The following CEP76 variants were observed in gnomAD, a reference collection of about 807,000 sequenced individuals.
CEP76 encodes the protein centrosomal protein of 76 kDa.
CEP76 carries 55 observed loss-of-function variants against 83.3 expected under a neutral mutation model. The ratio of observed to expected loss-of-function variants is 0.66; its 90% confidence interval spans 0.53 to 0.83. CEP76 has a LOEUF of 0.83. CEP76 is among the 40% of genes least tolerant of loss of function. The pLI is 0.00. For synonymous variants in CEP76, 270 were observed against 274.5 expected, an observed-to-expected ratio of 0.98 and a Z score of 0.16; for missense variants, 694 against 799.5, an observed-to-expected ratio of 0.87 and a Z score of 1.59.
chr18:12,699,827 TAC>T lies in CEP76; in HGVS notation c.295+1_295+2del. ...AACTAAATTAATGTTAAAATATACA[TAC>T]TTTTTTTTAATGTCGATTGTCTATC... On this transcript the variant is annotated splice_donor_variant, in intron 3 of 11. Coordinates refer to ENST00000262127, the MANE Select transcript of CEP76 (RefSeq NM_024899.4). LOFTEE classifies it high-confidence loss of function. The T allele has an allele frequency of 6.6e-7, 1 of 1,507,498 alleles. No individual in the cohort carries two copies. Among genetic ancestry groups the T allele is most frequent in the Non-Finnish European group, 9.1e-7 (1 of 1,104,596 alleles). 93.4% of individuals were successfully genotyped at this position (1,507,498 alleles called of 1,614,324 possible). A position where few individuals can be genotyped will look rare whatever the true frequency, so the allele number is the denominator to read the frequency against.
rs763210157 is a variant in CEP76, at chr18:12,686,254, T to G, written c.1122+8A>C. The G allele has an allele frequency of 5.0e-6, 8 of 1,604,482 alleles. No homozygotes were observed. The highest frequency in any genetic ancestry group is 6.8e-6 in the Non-Finnish European group (8 of 1,171,962). ...CTGCTACTTAATTCTATTATGTGTG[T>G]ATAATACCTTGTTTCTACAGAGAAA... On this transcript the variant is annotated splice_region_variant and intron_variant, in intron 8 of 11. Coordinates refer to ENST00000262127, the MANE Select transcript of CEP76 (RefSeq NM_024899.4).
chr18:12,678,349 G>A lies in CEP76; in HGVS notation c.1383C>T (p.Asn461=). The A allele has an allele frequency of 1.2e-6, 2 of 1,614,120 alleles. No individual in the cohort carries two copies. The highest frequency in any genetic ancestry group is 2.2e-5 in the South Asian group (2 of 91,080). The change falls in exon 10 of 12, where the codon AAC becomes AAT. Residue 461 remains asparagine, a synonymous_variant. Transcript: ENST00000262127. ...YPYRTIGCVF[N]HQMFLGNCQP... Reference sequence around the variant, plus strand: ...GACAATTTCCCAGGAACATCTGATGGTTGAAAACACAACCAATTGTTCGAT... The same window carrying A: ...GACAATTTCCCAGGAACATCTGATGATTGAAAACACAACCAATTGTTCGAT...
chr18:12,692,462 G>C (rs1426305765), intron 6 of CEP76: 1 of 152,208 alleles, frequency 6.6e-6, no homozygotes, highest in Non-Finnish European at 1.5e-5. Flanking sequence ...AGCCACACAG[G>C]GCTTTCGGTC....
At chr18:12,662,179 T>C (rs762469129) in intron 12 of CEP76, 3 of 439,810 alleles carry the variant, frequency 6.8e-6, no homozygotes, top group African/African-American at 6.3e-5. Flanking sequence ...CCTAGAAAAG[T>C]GCACCAGAAA....
chr18:12,700,062 TA>T, intron 2 of CEP76, 157 bp from the exon 3 acceptor site: 1 of 440,926 alleles, frequency 2.3e-6, no homozygotes, highest in East Asian at 3.6e-5. Context: ...ATAATGAAAA[TA>T]AAAGCCTGCA....
At chr18:12,686,674 G>A (rs12455268) in intron 7 of CEP76, 101,932 of 373,276 alleles carry the variant, frequency 0.27, 15,023 homozygotes, top group Non-Finnish European at 0.32. Context: ...CAGCTATTAT[G>A]CAACAGAGCC....
chr18:12,689,400 C>CTTTG (rs1484889969), intron 7 of CEP76, among the ~76,000 whole-genome samples: 1 of 152,172 alleles, frequency 6.6e-6, no homozygotes, highest in Non-Finnish European at 1.5e-5. Flanking sequence ...TTGACACAGA[C>CTTTG]TTTGCCATGA....
intron 5 of CEP76, among the ~76,000 whole-genome samples, chr18:12,696,152 G>T (rs1163315186): frequency 6.6e-6 from 1 of 152,040 alleles, no homozygotes; most frequent in African/African-American, 2.4e-5. Flanking sequence ...CTTACATAAA[G>T]GACACTTTTT....
chr18:12,700,922 A>G, intron 2 of CEP76, 36 bp downstream of exon 2: 1 of 789,882 alleles, frequency 1.3e-6, no homozygotes, highest in Non-Finnish European at 1.9e-6. Context: ...GTATATACAT[A>G]TATACTCTCA....
At chr18:12,693,545 G>A (rs2039842398) in intron 6 of CEP76, among the ~76,000 whole-genome samples, 2 of 152,110 alleles carry the variant, frequency 1.3e-5, no homozygotes, top group South Asian at 2.1e-4. Flanking sequence ...ACCACTTTGG[G>A]AGGCCGAGGC....
At chr18:12,678,048 A>G in intron 10 of CEP76, 61 bp downstream of exon 10, 2 of 1,382,768 alleles carry the variant, frequency 1.4e-6, no homozygotes, top group East Asian at 2.3e-5. Context: ...ACACACCAAA[A>G]AACAGTTAAA....
chr18:12,697,790 G>A (rs996025025), intron 4 of CEP76, among the ~76,000 whole-genome samples: 1 of 151,944 alleles, frequency 6.6e-6, no homozygotes, highest in Non-Finnish European at 1.5e-5. Context: ...AATTATCACT[G>A]TATAATTGAC....
rs577219875 is a variant in CEP76, at chr18:12,675,763, G to A, written c.1624-1010C>T. Among the ~76,000 whole-genome samples, 3 of 152,058 alleles carry A rather than the reference G, an allele frequency of 2.0e-5. No homozygotes were observed. The East Asian group carries it at 5.8e-4, about 30-fold the overall frequency. On this transcript the variant is annotated intron_variant, in intron 10 of 11. Coordinates refer to ENST00000262127, the MANE Select transcript of CEP76 (RefSeq NM_024899.4). The stretch of plus-strand genomic sequence containing the variant: ...GGCTCACTGCAACCTCTGCCTCCCA[G>A]GTTCAAGCGATTCTCCTGCCTCAGA...
chr18:12,685,510 A>G (rs770334180), intron 8 of CEP76: 3 of 152,130 alleles, frequency 2.0e-5, no homozygotes, highest in Non-Finnish European at 4.4e-5. Flanking sequence ...TTGTGTATTG[A>G]TATTTAAATG....
At chr18:12,693,290 G>A (rs192568656) in intron 6 of CEP76, among the ~76,000 whole-genome samples, 33 of 152,176 alleles carry the variant, frequency 2.2e-4, no homozygotes, top group Non-Finnish European at 2.6e-4. Context: ...GGGGCACAAT[G>A]GTCCATGTCT....
chr18:12,673,771 C>T (rs1598613835), intron 11 of CEP76, among the ~76,000 whole-genome samples: 1 of 152,210 alleles, frequency 6.6e-6, no homozygotes, highest in South Asian at 2.1e-4. Flanking sequence ...ATCCCAGCTA[C>T]TTGGGAGGCT....
At chr18:12,681,854 G>C (rs1336029568) in intron 8 of CEP76, among the ~76,000 whole-genome samples, 2 of 151,930 alleles carry the variant, frequency 1.3e-5, no homozygotes, top group Non-Finnish European at 2.9e-5. Context: ...ATATTAGCTG[G>C]GTATGGTGGT....
chr18:12,688,787 T>C (rs1014338102), intron 7 of CEP76, among the ~76,000 whole-genome samples: 12 of 152,176 alleles, frequency 7.9e-5, no homozygotes, highest in Non-Finnish European at 1.6e-4. Flanking sequence ...GCTACCATAC[T>C]GGTTAGCACA....
At chr18:12,689,633 ACTT>A (rs1265694079) in intron 7 of CEP76, among the ~76,000 whole-genome samples, 2 of 152,146 alleles carry the variant, frequency 1.3e-5, no homozygotes, top group African/African-American at 2.4e-5. Flanking sequence ...GTGCATTTCA[ACTT>A]CTTCCTCCTC....
Sources: gnomAD v4.1 joint callset for allele counts (sites outside exome capture counted in the v4.1 genomes callset) on GRCh38, gnomAD v4.1.1 for gene constraint, MANE v1.5 for transcripts, NCBI Gene and HGNC (gene_info 2026-07-23, HGNC 2026-07-21) for gene names.